The following PDE4D variants were observed in gnomAD, a reference collection of about 807,000 sequenced individuals.
The protein encoded by PDE4D is 3',5'-cyclic-AMP phosphodiesterase 4D.
In PDE4D, 24 loss-of-function variants were observed where a neutral mutation model predicts 87.4. That is an observed-to-expected ratio of 0.27 (90% CI 0.20 to 0.39). The LOEUF is 0.39. Among genes scored for constraint, PDE4D ranks in the 10% least tolerant of loss-of-function variants. PDE4D has a pLI of 1.00. For missense variants in PDE4D, 714 were observed against 1,041.0 expected, an observed-to-expected ratio of 0.69 and a Z score of 4.32; for synonymous variants, 384 against 383.2, an observed-to-expected ratio of 1.00 and a Z score of -0.02.
At chr5:60,221,868 C>T (rs1403595694) in intron 1 of PDE4D, among the ~76,000 whole-genome samples, 8 of 152,020 alleles carry the variant, frequency 5.3e-5, no homozygotes, top group Non-Finnish European at 8.8e-5. Context: ...GGGCTGTTAC[C>T]TAGTTTGGCT....
chr5:59,898,163 A>G (rs1219217206), upstream of PDE4D, among the ~76,000 whole-genome samples: 1 of 152,210 alleles, frequency 6.6e-6, no homozygotes, highest in African/African-American at 2.4e-5. Context: ...TAGCACACTA[A>G]TGCAAATTTA....
intron 5 of PDE4D, among the ~76,000 whole-genome samples, chr5:59,102,150 G>A (rs970759585): frequency 7.6e-6 from 1 of 131,132 alleles, no homozygotes; most frequent in Non-Finnish European, 1.5e-5. Context: ...GCAATGGTAT[G>A]ATCTCGGCTT....
intron 1 of PDE4D, among the ~76,000 whole-genome samples, chr5:59,766,011 G>A (rs1419674640): frequency 2.0e-5 from 3 of 152,174 alleles, no homozygotes; most frequent in African/African-American, 7.2e-5. Context: ...ACCAGGAGCA[G>A]GAAACTGTGA....
intron 1 of PDE4D, among the ~76,000 whole-genome samples, chr5:60,356,782 A>AT (rs1015597845): frequency 3.3e-5 from 5 of 152,196 alleles, no homozygotes; most frequent in African/African-American, 1.2e-4. Context: ...TTTAGCTTTC[A>AT]TCACACTTGT....
chr5:60,477,536 A>T (rs183282700), intron 1 of PDE4D, among the ~76,000 whole-genome samples: 223 of 152,256 alleles, frequency 1.5e-3, no homozygotes, highest in Non-Finnish European at 2.5e-3. Flanking sequence ...AAGATGGAGG[A>T]AAAAAGGTGA....
At chr5:59,894,680 C>T, upstream of PDE4D, among the ~76,000 whole-genome samples, 1 of 152,214 alleles carries the variant, frequency 6.6e-6, no homozygotes, top group Non-Finnish European at 1.5e-5. Context: ...CAGTGCCTGC[C>T]TGCAATTTGC....
At chr5:59,354,517 T>C (rs1296263705) in intron 1 of PDE4D, among the ~76,000 whole-genome samples, 1 of 152,140 alleles carries the variant, frequency 6.6e-6, no homozygotes, top group Non-Finnish European at 1.5e-5. Flanking sequence ...TGTGTCTGTA[T>C]ATATATAGAG....
chr5:60,309,982 G>T (rs1308526071), intron 1 of PDE4D, among the ~76,000 whole-genome samples: 1 of 152,118 alleles, frequency 6.6e-6, no homozygotes, highest in African/African-American at 2.4e-5. Context: ...TCATTTGAGT[G>T]CACTTATTCT....
At chr5:59,494,765 A>G (rs1462746093) in intron 1 of PDE4D, among the ~76,000 whole-genome samples, 1 of 152,224 alleles carries the variant, frequency 6.6e-6, no homozygotes, top group African/African-American at 2.4e-5. Flanking sequence ...AGACTTTGAA[A>G]CAATCCCACC....
intron 1 of PDE4D, among the ~76,000 whole-genome samples, chr5:59,811,028 G>T (rs1400654687): frequency 1.3e-5 from 2 of 152,174 alleles, no homozygotes; most frequent in Non-Finnish European, 2.9e-5. Context: ...AAGGTATAAA[G>T]GAGCTAAACG....
chr5:59,105,579 G>A (rs1771457322), intron 5 of PDE4D, among the ~76,000 whole-genome samples: 1 of 152,114 alleles, frequency 6.6e-6, no homozygotes, highest in Non-Finnish European at 1.5e-5. Context: ...ACTGTCAGAT[G>A]ATATGAAAAT....
rs181699216 is a variant in PDE4D, at chr5:59,239,734, G to A, written c.456-23766C>T. 3.3e-5 allele frequency among the ~76,000 whole-genome samples: 5 copies of A among 152,162 alleles called. No individual in the cohort carries two copies. In the East Asian group the frequency reaches 7.7e-4, roughly 24 times the overall value. On this transcript the variant is annotated intron_variant, in intron 1 of 14. Transcript: ENST00000340635. ...AATGCCATTTAGCTCCCCAAGCATC[G>A]TACTGTGGCAAAAACTACATGCACT...
intron 1 of PDE4D, among the ~76,000 whole-genome samples, chr5:60,291,539 T>C (rs974825145): frequency 2.6e-5 from 4 of 151,568 alleles, no homozygotes; most frequent in Non-Finnish European, 5.9e-5. Context: ...AAATATAACG[T>C]TTTTAGAGAA....
rs34236719 is a variant in PDE4D, at chr5:60,143,603, T to TTGTGTGTGTGTGTG, written c.42+41940_42+41953dup. 2.1e-3 allele frequency among the ~76,000 whole-genome samples: 242 copies of TTGTGTGTGTGTGTG among 117,746 alleles called. 7 individuals carry two copies. Among genetic ancestry groups the TTGTGTGTGTGTGTG allele is most frequent in the East Asian group, 0.013 (51 of 4,028 alleles). 77.2% of individuals were successfully genotyped at this position (117,746 alleles called of 152,430 possible). On this transcript the variant is annotated intron_variant, in intron 2 of 16. Coordinates refer to the PDE4D transcript ENST00000502484. The stretch of plus-strand genomic sequence containing the variant: ...AAATGACCTAGGAGCAGCTTGGGAA[T>TTGTGTGTGTGTGTG]TGTGTGTGTGTGTGTGTGTGTGTGT...
At position 59,822,064 on chromosome 5, in the gene PDE4D, T is replaced by G. The variant is rs1421421368; in HGVS notation, c.455+71104A>C. Among the ~76,000 whole-genome samples the G allele has an allele frequency of 2.0e-5, 3 of 152,210 alleles. No homozygotes were observed. The East Asian group carries it at 5.8e-4, about 29-fold the overall frequency. ...GTTTCCCACAAATTGTATATAATGATTTGTGTGTGCATGTGTTTTGGAATG... is the reference window on the plus strand; with the variant it reads ...GTTTCCCACAAATTGTATATAATGAGTTGTGTGTGCATGTGTTTTGGAATG... On this transcript the variant is annotated intron_variant, in intron 1 of 14. Coordinates refer to ENST00000340635, the MANE Select transcript of PDE4D (RefSeq NM_001104631.2).
chr5:59,891,787 T>TGTATA, intron 1 of PDE4D, among the ~76,000 whole-genome samples: 1 of 150,376 alleles, frequency 6.6e-6, no homozygotes, highest in East Asian at 2.0e-4. Flanking sequence ...AGAGACATGC[T>TGTATA]CACACACACA....
chr5:60,117,318 T>A (rs1445147366), intron 2 of PDE4D, among the ~76,000 whole-genome samples: 1 of 152,190 alleles, frequency 6.6e-6, no homozygotes, highest in East Asian at 1.9e-4. Context: ...CCTTTGTTTT[T>A]CTTTAGTATC....
chr5:60,239,025 G>C (rs1583178647), intron 1 of PDE4D, among the ~76,000 whole-genome samples: 1 of 151,926 alleles, frequency 6.6e-6, no homozygotes, highest in Admixed American at 6.6e-5. Context: ...ATGGGTTTTA[G>C]TCTTAAGAAA....
chr5:60,447,606 A>C (rs752810076), intron 1 of PDE4D, among the ~76,000 whole-genome samples: 2 of 152,164 alleles, frequency 1.3e-5, no homozygotes, highest in Non-Finnish European at 2.9e-5. Flanking sequence ...AAGGGAAGTT[A>C]TCTCAAAGGT....
Sources: allele counts gnomAD v4.1 joint callset (sites outside exome capture counted in the v4.1 genomes callset), GRCh38; gene constraint gnomAD v4.1.1; transcripts MANE v1.5; gene names NCBI Gene and HGNC (gene_info 2026-07-23, HGNC 2026-07-21).